The following VPS50 variants were observed in gnomAD, a reference collection of about 807,000 sequenced individuals.
VPS50 encodes VPS50 subunit of EARP/GARPII complex.
In VPS50, 70 loss-of-function variants were observed where a neutral mutation model predicts 139.7. The observed-to-expected ratio is 0.50, with a 90% CI of 0.41 to 0.61. The LOEUF (loss-of-function observed/expected upper bound fraction) is 0.61, where lower values mean the gene tolerates loss of function less well. Among genes scored for constraint, VPS50 ranks in the 20% least tolerant of loss-of-function variants. VPS50 has a pLI of 0.00. For synonymous variants in VPS50, 365 were observed against 376.7 expected (o/e 0.97, Z 0.36); for missense variants, 921 against 1,133.7 (o/e 0.81, Z 2.69).
At chr7:93,273,923 A>G (rs1005946420) in intron 11 of VPS50, among the ~76,000 whole-genome samples, 1 of 151,986 alleles carries the variant, frequency 6.6e-6, no homozygotes, top group Non-Finnish European at 1.5e-5. Flanking sequence ...CATCATTATT[A>G]TATCTGGGAT....
chr7:93,276,514 C>T, intron 12 of VPS50: 1 of 655,278 alleles, frequency 1.5e-6, no homozygotes, highest in Non-Finnish European at 2.3e-6. Context: ...GAGATTGGAG[C>T]ATGATTGCTT....
intron 2 of VPS50, chr7:93,246,078 G>C (rs1471255664): frequency 2.0e-5 from 29 of 1,483,992 alleles, no homozygotes; most frequent in South Asian, 1.0e-4. Context: ...GTCACTAAAC[G>C]CTTCTTTTTT....
chr7:93,288,453 G>A lies in VPS50; in HGVS notation c.943-3250G>A, dbSNP rs1247598902. On this transcript the variant is annotated intron_variant, in intron 12 of 27. Coordinates refer to ENST00000305866, the MANE Select transcript of VPS50 (RefSeq NM_017667.4). The stretch of plus-strand genomic sequence containing the variant: ...CTTTAATAAATAACATGGTGCATAT[G>A]TATTTTCACATTGTTTGAGGTATAC... Among the ~76,000 whole-genome samples the A allele has an allele frequency of 3.3e-5, 5 of 152,116 alleles. No individual in the cohort carries two copies. The East Asian group carries it at 9.6e-4, about 29-fold the overall frequency.
chr7:93,281,986 C>T (rs895381645), intron 12 of VPS50, among the ~76,000 whole-genome samples: 5 of 152,158 alleles, frequency 3.3e-5, no homozygotes, highest in African/African-American at 9.6e-5. Flanking sequence ...GGGTGGATCA[C>T]GAGGTCAGGA....
chr7:93,262,965 A>G (rs1795730215), intron 9 of VPS50, among the ~76,000 whole-genome samples: 1 of 152,254 alleles, frequency 6.6e-6, no homozygotes, highest in Non-Finnish European at 1.5e-5. Flanking sequence ...TTGAGTCCAC[A>G]AAGATAAAAG....
chr7:93,351,775 G>C (rs1441969740), intron 25 of VPS50, among the ~76,000 whole-genome samples: 1 of 152,080 alleles, frequency 6.6e-6, no homozygotes, highest in Non-Finnish European at 1.5e-5. Flanking sequence ...TCAGACCATA[G>C]AACATACTAA....
intron 13 of VPS50, 110 bp from the exon 14 acceptor site, chr7:93,294,435 T>C: frequency 2.2e-6 from 2 of 901,488 alleles, no homozygotes; most frequent in Non-Finnish European, 3.2e-6. Context: ...CAAACATATT[T>C]ACTGTATCTT....
chr7:93,257,722 G>T (rs1049245722), intron 6 of VPS50: 6 of 293,194 alleles, frequency 2.0e-5, no homozygotes, highest in Admixed American at 1.4e-4. Context: ...TTGTCGTAAA[G>T]CACCTACTTT....
chr7:93,267,295 A>C (rs748559379), intron 9 of VPS50, among the ~76,000 whole-genome samples: 2 of 152,150 alleles, frequency 1.3e-5, no homozygotes, highest in Non-Finnish European at 2.9e-5. Context: ...CATATGATAG[A>C]GGAACTGTCT....
At chr7:93,267,118 C>T (rs1313945693) in intron 9 of VPS50, among the ~76,000 whole-genome samples, 3 of 152,150 alleles carry the variant, frequency 2.0e-5, no homozygotes, top group East Asian at 1.9e-4. Context: ...CTGAAGAAAT[C>T]GTTGCTTTCA....
intron 16 of VPS50, among the ~76,000 whole-genome samples, chr7:93,299,287 A>G (rs1796905977): frequency 6.6e-6 from 1 of 152,208 alleles, no homozygotes; most frequent in South Asian, 2.1e-4. Flanking sequence ...AAACTTTAGA[A>G]ATGATACTAG....
intron 20 of VPS50, among the ~76,000 whole-genome samples, chr7:93,311,896 A>G (rs569341616): frequency 7.2e-5 from 11 of 152,216 alleles, no homozygotes; most frequent in African/African-American, 2.6e-4. Context: ...AAATAAGTCT[A>G]TGTATTTGAC....
Position 93,322,078 on chromosome 7 carries a change from A to AAAT in VPS50, c.1856-1531_1856-1529dup, listed in dbSNP as rs997734633. 7.7e-4 allele frequency among the ~76,000 whole-genome samples: 82 copies of AAAT among 106,888 alleles called. 1 individual carries two copies. Among genetic ancestry groups the AAAT allele is most frequent in the African/African-American group, 6.3e-3 (79 of 12,616 alleles). The allele number at this position is 106,888 out of a possible 152,430, so 70.1% of individuals were successfully genotyped here. A position where few individuals can be genotyped will look rare whatever the true frequency, so the allele number is the denominator to read the frequency against. On this transcript the variant is annotated intron_variant, in intron 20 of 27. Transcript: ENST00000305866. ...ATGATTGTGAAACAGAAGAATTTTAAAATAGGAATAAGAATAAATCTGAGT... is the reference window on the plus strand; with the variant it reads ...ATGATTGTGAAACAGAAGAATTTTAAAATAATAGGAATAAGAATAAATCTGAGT...
intron 9 of VPS50, among the ~76,000 whole-genome samples, chr7:93,261,403 C>T (rs527743530): frequency 3.3e-5 from 5 of 152,168 alleles, no homozygotes; most frequent in East Asian, 1.9e-4. Context: ...GTAGGCCGGG[C>T]GCGGTGGCTC....
At chr7:93,277,891 CT>C (rs1245982616) in intron 12 of VPS50, among the ~76,000 whole-genome samples, 1 of 151,786 alleles carries the variant, frequency 6.6e-6, no homozygotes, top group Admixed American at 6.6e-5. Flanking sequence ...ACCCAATCAC[CT>C]TTTTTATTCT....
intron 21 of VPS50, among the ~76,000 whole-genome samples, chr7:93,329,575 C>G (rs865870750): frequency 2.7e-4 from 41 of 151,220 alleles, no homozygotes; most frequent in African/African-American, 9.5e-4. Flanking sequence ...ACACAAGATG[C>G]TAAATGAACA....
chr7:93,302,565 T>C (rs1016559122), intron 16 of VPS50, among the ~76,000 whole-genome samples: 3 of 152,050 alleles, frequency 2.0e-5, no homozygotes, highest in African/African-American at 7.2e-5. Flanking sequence ...ATCCATTTTA[T>C]ACATTTTTTT....
At chr7:93,353,619 G>A in intron 25 of VPS50, 21 bp from the exon 26 acceptor site, 1 of 1,601,280 alleles carries the variant, frequency 6.2e-7, no homozygotes, top group Non-Finnish European at 8.5e-7. Flanking sequence ...TTCACAAACA[G>A]CTACCTATTT....
intron 20 of VPS50, among the ~76,000 whole-genome samples, chr7:93,322,366 G>A (rs567212598): frequency 2.0e-3 from 308 of 152,056 alleles, no homozygotes; most frequent in Middle Eastern, 3.4e-3. Context: ...TTGGGAGGCC[G>A]AGGCGGGCGG....
Sources: gnomAD v4.1 joint callset for allele counts (sites outside exome capture counted in the v4.1 genomes callset) on GRCh38, gnomAD v4.1.1 for gene constraint, MANE v1.5 for transcripts, NCBI Gene and HGNC (gene_info 2026-07-23, HGNC 2026-07-21) for gene names.